Variants in KCNQ2 observed in about 807,000 individuals in gnomAD.
KCNQ2 encodes the protein potassium voltage-gated channel subfamily Q member 2.
Under a neutral mutation model 84.8 loss-of-function variants are expected in KCNQ2, and 14 were observed. The observed-to-expected ratio is 0.17, with a 90% CI of 0.11 to 0.26. KCNQ2 has a LOEUF of 0.26. KCNQ2 is among the 10% of genes least tolerant of loss of function. The probability of loss-of-function intolerance (pLI) is 1.00; values close to 1 mark genes in which losing one functional copy is unlikely to be tolerated. For synonymous variants in KCNQ2, 599 were observed against 554.1 expected (o/e 1.08, Z -1.14); for missense variants, 788 against 1,254.0 (o/e 0.63, Z 5.61).
intron 1 of KCNQ2, among the ~76,000 whole-genome samples, chr20:63,458,713 C>T (rs1468899214): frequency 6.6e-6 from 1 of 152,228 alleles, no homozygotes; most frequent in African/African-American, 2.4e-5. Flanking sequence ...AGAACCTGCA[C>T]AGAGGCGTCT....
chr20:63,420,916 G>T lies in KCNQ2; in HGVS notation c.1248-1244C>A, dbSNP rs569919409. Among the ~76,000 whole-genome samples, 39 of 152,306 alleles carry T rather than the reference G, an allele frequency of 2.6e-4. No individual in the cohort carries two copies. The South Asian group carries it at 5.2e-3, about 20-fold the overall frequency. On this transcript the variant is annotated intron_variant, in intron 11 of 16. Coordinates refer to ENST00000359125, the MANE Select transcript of KCNQ2 (RefSeq NM_172107.4). ...AACGCGACGGTGGGACGAGGCAGGA[G>T]GGAGCCGGCTCCCTGCGCCTGGCTT...
chr20:63,447,856 C>CA (rs1358020078), intron 1 of KCNQ2, among the ~76,000 whole-genome samples: 10 of 152,162 alleles, frequency 6.6e-5, no homozygotes, highest in African/African-American at 2.4e-4. Flanking sequence ...CTCGGCCCCC[C>CA]AAAGGGCTGG....
intron 4 of KCNQ2, among the ~76,000 whole-genome samples, 155 bp from the exon 5 acceptor site, chr20:63,442,686 TCACCATCAC>T (rs1408665725): frequency 4.7e-4 from 8 of 17,146 alleles, no homozygotes; most frequent in Middle Eastern, 0.033. Flanking sequence ...ACCACCACCA[TCACCATCAC>T]CACCATCACC....
rs1189539762 is a variant in KCNQ2, at chr20:63,403,952, G to A, written c.*2692C>T. The A allele has an allele frequency of 6.6e-6, 1 of 152,282 alleles. No homozygotes were observed. The highest frequency in any genetic ancestry group is 6.5e-5 in the Admixed American group (1 of 15,288). 9.4% of individuals were successfully genotyped at this position (152,282 alleles called of 1,614,324 possible). On this transcript the variant is annotated 3_prime_UTR_variant, in exon 17 of 17. Coordinates refer to ENST00000359125, the MANE Select transcript of KCNQ2 (RefSeq NM_172107.4). ...GGGCAGTAGGTGGCTGCACTGCTCA[G>A]GCTAGAGTCTGGGGGGGCCCAAGAC...
chr20:63,445,470 G>T, intron 2 of KCNQ2, 106 bp from the exon 3 acceptor site: 1 of 1,337,646 alleles, frequency 7.5e-7, no homozygotes, highest in Non-Finnish European at 1.0e-6. Context: ...AAGCCACAGG[G>T]CAGGAGGCCC....
chr20:63,454,585 C>T (rs958313288), intron 1 of KCNQ2, among the ~76,000 whole-genome samples: 9 of 152,370 alleles, frequency 5.9e-5, no homozygotes, highest in Middle Eastern at 3.4e-3. Flanking sequence ...TCCGGTCGGC[C>T]GAACCGTGGG....
rs2145921188 is a variant in KCNQ2, at chr20:63,472,221, G to C, written c.243C>G (p.Leu81=). The C allele has an allele frequency of 1.3e-6, 2 of 1,549,448 alleles. No individual in the cohort carries two copies. The highest frequency in any genetic ancestry group is 1.2e-5 in the South Asian group (1 of 83,002). The part of the protein sequence containing the change: ...NAFYRKLQNF[L]YNVLERPRGW... ...CGCGCGGCCGCTCCAGCACGTTGTAGAGGAAATTCTGCAGCTTGCGGTAGA... is the reference window on the plus strand; with the variant it reads ...CGCGCGGCCGCTCCAGCACGTTGTACAGGAAATTCTGCAGCTTGCGGTAGA... Residue 81 remains leucine, a synonymous_variant, in exon 1 of 17, where the codon CTC becomes CTG. Transcript: ENST00000359125.
Position 63,411,760 on chromosome 20 carries a change from C to T in KCNQ2, c.1763+1690G>A, listed in dbSNP as rs41283014. 30,471 of 596,092 alleles carry T rather than the reference C, an allele frequency of 0.051. 1,104 individuals carry two copies. Among genetic ancestry groups the T allele is most frequent in the Admixed American group, 0.11 (3,540 of 31,150 alleles). 36.9% of individuals were successfully genotyped at this position (596,092 alleles called of 1,614,324 possible). ...CCATTCCACAGACACGTCGGAGAGGCGCTGGCATCCTAACCTAGGTGAGTA... is the reference window on the plus strand; with the variant it reads ...CCATTCCACAGACACGTCGGAGAGGTGCTGGCATCCTAACCTAGGTGAGTA... On this transcript the variant is annotated intron_variant, in intron 15 of 16. Coordinates refer to ENST00000359125, the MANE Select transcript of KCNQ2 (RefSeq NM_172107.4).
intron 15 of KCNQ2, among the ~76,000 whole-genome samples, chr20:63,411,328 C>A (rs906135253): frequency 5.3e-5 from 8 of 152,198 alleles, no homozygotes; most frequent in African/African-American, 1.4e-4. Flanking sequence ...GCCAGGCCCA[C>A]CCCCACAGTG....
intron 15 of KCNQ2, chr20:63,410,027 G>A (rs1459387912): frequency 3.5e-6 from 1 of 281,750 alleles, no homozygotes; most frequent in East Asian, 1.4e-4. Context: ...GAGAAACAGA[G>A]AGGGTTTCAG....
chr20:63,464,417 C>T (rs1284440371), intron 1 of KCNQ2, among the ~76,000 whole-genome samples: 6 of 152,090 alleles, frequency 3.9e-5, no homozygotes, highest in Non-Finnish European at 8.8e-5. Context: ...GTGGTTTAGA[C>T]AACAGAAGGG....
chr20:63,441,217 C>T (rs1447303312), intron 5 of KCNQ2, among the ~76,000 whole-genome samples: 1 of 149,384 alleles, frequency 6.7e-6, no homozygotes, highest in Non-Finnish European at 1.5e-5. Flanking sequence ...GGGTTCCCCC[C>T]ACACTGCTGA....
chr20:63,434,598 G>T (rs1037385338), intron 7 of KCNQ2: 1 of 151,504 alleles, frequency 6.6e-6, no homozygotes, highest in South Asian at 2.1e-4. Flanking sequence ...TTCAGCAGGC[G>T]CTCCTGGTTC....
At chr20:63,440,388 C>G (rs1051923762) in intron 5 of KCNQ2, among the ~76,000 whole-genome samples, 2 of 152,176 alleles carry the variant, frequency 1.3e-5, no homozygotes, top group African/African-American at 4.8e-5. Flanking sequence ...CAAGAGATGC[C>G]TGTGCCGGGG....
chr20:63,414,231 G>A lies in KCNQ2; in HGVS notation c.1526-38C>T. 1.4e-6 allele frequency: 2 copies of A among 1,476,694 alleles called. No homozygotes were observed. Among genetic ancestry groups the A allele is most frequent in the Non-Finnish European group, 1.9e-6 (2 of 1,056,454 alleles). 91.5% of individuals were successfully genotyped at this position (1,476,694 alleles called of 1,614,324 possible). On this transcript the variant is annotated intron_variant, in intron 13 of 16. Coordinates refer to ENST00000359125, the MANE Select transcript of KCNQ2 (RefSeq NM_172107.4). The surrounding 1 kb of genome is among the most constrained non-coding windows in gnomAD (Gnocchi z 6.6). ...AGACAGGCCGTGAGGGGCCGAGGGG[G>A]CCGGGAGACCTATTCCCGGGGTCCT...
At position 63,472,648 on chromosome 20, in the gene KCNQ2, C is replaced by G. The variant is rs1023550169; in HGVS notation, c.-185G>C. On this transcript the variant is annotated 5_prime_UTR_variant, in exon 1 of 17. Transcript: ENST00000359125. Reference sequence around the variant, plus strand: ...CGGCCACCTCGCTCCGCGCGCACCTCGGCGCCTGGCCCGCGGCCGCGCCGG... The same window carrying G: ...CGGCCACCTCGCTCCGCGCGCACCTGGGCGCCTGGCCCGCGGCCGCGCCGG... The G allele has an allele frequency of 8.9e-6, 2 of 224,300 alleles. No individual in the cohort carries two copies. The highest frequency in any genetic ancestry group is 1.4e-5 in the Non-Finnish European group (2 of 140,872). The allele number at this position is 224,300 out of a possible 1,614,324, so 13.9% of individuals were successfully genotyped here. A position where few individuals can be genotyped will look rare whatever the true frequency, so the allele number is the denominator to read the frequency against.
chr20:63,432,081 C>CCACCCACAGGGAAGGAT (rs1691970980), intron 8 of KCNQ2, among the ~76,000 whole-genome samples: 2 of 133,610 alleles, frequency 1.5e-5, no homozygotes, highest in Admixed American at 7.4e-5. Context: ...CAGGGAAGGC[C>CCACCCACAGGGAAGGAT]CCACCCACAG....
At chr20:63,447,850 G>GC (rs2081480782) in intron 1 of KCNQ2, among the ~76,000 whole-genome samples, 1 of 152,110 alleles carries the variant, frequency 6.6e-6, no homozygotes, top group Non-Finnish European at 1.5e-5. Flanking sequence ...TCCCGCCTCG[G>GC]CCCCCCAAAG....
Position 63,407,308 on chromosome 20 carries a change from G to C in KCNQ2, c.1955C>G (p.Pro652Arg), listed in dbSNP as rs770730662. The change falls in exon 17 of 17, where the codon CCG (proline) becomes CGG (arginine). Residue 652 changes from proline to arginine, a missense_variant. This residue lies in a region of KCNQ2 where 378 missense variants were observed against 434.5 expected (regional missense o/e 0.87). Transcript: ENST00000359125. The surrounding 1 kb of genome is among the most constrained non-coding windows in gnomAD (Gnocchi z 7.2). Reference protein sequence around the residue: ...NIYMQRMGIPPTETEAYFGAK... With the variant: ...NIYMQRMGIPRTETEAYFGAK... Reference sequence around the variant, plus strand: ...CCCAAAGTAGGCCTCGGTCTCTGTCGGGGGGATGCCCATCCGCTGCATGTA... The same window carrying C: ...CCCAAAGTAGGCCTCGGTCTCTGTCCGGGGGATGCCCATCCGCTGCATGTA... 6.9e-6 allele frequency: 11 copies of C among 1,595,920 alleles called. No individual in the cohort carries two copies. The African/African-American group carries it at 9.3e-5, about 14-fold the overall frequency.
Sources: gnomAD v4.1 joint callset for allele counts (sites outside exome capture counted in the v4.1 genomes callset) on GRCh38, gnomAD v4.1.1 for gene constraint, gnomAD v4.1.1 regional missense constraint, Gnocchi (gnomAD v3.1) non-coding constraint, MANE v1.5 for transcripts, NCBI Gene and HGNC (gene_info 2026-07-23, HGNC 2026-07-21) for gene names.